The following USP32 variants were observed in gnomAD, a reference collection of about 807,000 sequenced individuals.
USP32 encodes ubiquitin specific peptidase 32.
USP32 carries 59 observed loss-of-function variants against 204.8 expected under a neutral mutation model. That is an observed-to-expected ratio of 0.29 (90% CI 0.23 to 0.36). USP32 has a LOEUF of 0.36. Ranked by LOEUF, USP32 falls within the 10% of genes least tolerant of loss-of-function variation. The pLI is 1.00. For missense variants in USP32, 1,160 were observed against 1,946.4 expected, an observed-to-expected ratio of 0.60 and a Z score of 7.60; for synonymous variants, 517 against 678.4, an observed-to-expected ratio of 0.76 and a Z score of 3.70.
In USP32 at chr17:60,181,672, C is replaced by T. The variant is rs767236496; in HGVS notation, c.4200G>A (p.Arg1400=). 1 of 1,613,312 alleles carries T rather than the reference C, an allele frequency of 6.2e-7. No individual in the cohort carries two copies. Among genetic ancestry groups the T allele is most frequent in the Admixed American group, 1.7e-5 (1 of 60,006 alleles). ...SKNSSPNSSP[R]TLGRSKGRLR... ...GCCTCCCTTTGCTCCTCCCCAAAGT[C>T]CGTGGGCTGCTATTAGGGCTGCTGT... Residue 1400 remains arginine, a synonymous_variant, in exon 32 of 34, where the codon CGG becomes CGA. Transcript: ENST00000300896.
At chr17:60,352,214 G>A (rs2088965672) in intron 1 of USP32, among the ~76,000 whole-genome samples, 2 of 152,100 alleles carry the variant, frequency 1.3e-5, no homozygotes, top group Admixed American at 6.5e-5. Flanking sequence ...AAATGACTGG[G>A]GGGACCTCCA....
chr17:60,197,100 G>A (rs2084540040), intron 27 of USP32, among the ~76,000 whole-genome samples: 1 of 151,202 alleles, frequency 6.6e-6, no homozygotes, highest in African/African-American at 2.4e-5. Flanking sequence ...AGAATCACTT[G>A]AACCTGGAGG....
At chr17:60,234,511 A>G (rs2085665510) in intron 12 of USP32, among the ~76,000 whole-genome samples, 1 of 150,990 alleles carries the variant, frequency 6.6e-6, no homozygotes, top group South Asian at 2.1e-4. Flanking sequence ...GCAGATCACG[A>G]GGTCAGGAGA....
rs551278415 is a variant in USP32, at chr17:60,201,946, C to T, written c.3249+3501G>A. ...TGCTGGGATTATAGGCGTGAGCCAC[C>T]GCACCCAGCCAAGTTATCAATTTTA... On this transcript the variant is annotated intron_variant, in intron 26 of 33. Coordinates refer to ENST00000300896, the MANE Select transcript of USP32 (RefSeq NM_032582.4). 2.0e-5 allele frequency among the ~76,000 whole-genome samples: 3 copies of T among 152,250 alleles called. 1 individual carries two copies. Among genetic ancestry groups the T allele is most frequent in the South Asian group, 4.1e-4 (2 of 4,822 alleles).
At chr17:60,304,446 A>T (rs2087671814) in intron 2 of USP32, among the ~76,000 whole-genome samples, 1 of 152,076 alleles carries the variant, frequency 6.6e-6, no homozygotes, top group African/African-American at 2.4e-5. Context: ...TGGAGGAAAT[A>T]TTATGCCATT....
At chr17:60,205,689 A>G (rs2084808447) in intron 25 of USP32, 31 bp from the exon 26 acceptor site, 1 of 1,609,642 alleles carries the variant, frequency 6.2e-7, no homozygotes, top group Non-Finnish European at 8.5e-7. Context: ...ACAGTATCAT[A>G]AGCTTGTGGT....
intron 1 of USP32, chr17:60,421,560 A>G (rs1358154814): frequency 3.0e-6 from 3 of 985,370 alleles, no homozygotes; most frequent in African/African-American, 3.5e-5. Flanking sequence ...TCCTAGTTTC[A>G]GGGAAGAAAA....
intron 2 of USP32, among the ~76,000 whole-genome samples, chr17:60,335,378 A>G: frequency 7.0e-6 from 1 of 142,494 alleles, no homozygotes; most frequent in East Asian, 1.9e-4. Flanking sequence ...CTATGCATAA[A>G]ACAACTCCAT....
At chr17:60,211,588 A>G (rs1447537270) in intron 19 of USP32, 74 bp from the exon 20 acceptor site, 3 of 1,512,504 alleles carry the variant, frequency 2.0e-6, no homozygotes, top group African/African-American at 2.8e-5. Flanking sequence ...CTTATATTCA[A>G]TGAAAAGGTT....
At chr17:60,399,329 G>C (rs901445910) in intron 1 of USP32, among the ~76,000 whole-genome samples, 13 of 152,076 alleles carry the variant, frequency 8.5e-5, no homozygotes, top group Non-Finnish European at 1.6e-4. Flanking sequence ...GAGGAAGGAG[G>C]CAAGAAGTGC....
In USP32 at chr17:60,185,560, T is replaced by C; in HGVS notation, c.3734A>G (p.Glu1245Gly). ...LDSCLRAFTS[E>G]EELGENEMYY... ...CATCTCATTTTCCCCTAGCTCTTCC[T>C]CACTGGTGAAAGCACGGAGACAGCT... The change falls in exon 30 of 34, where the codon GAG becomes GGG. Residue 1245 changes from glutamate (E) to glycine (G), a missense_variant. Glu to Gly is a moderately conservative substitution (Grantham distance 98). This residue lies in a region of USP32 where 160 missense variants were observed against 322.5 expected (regional missense o/e 0.50). Transcript: ENST00000300896. 1 of 1,612,006 alleles carries C rather than the reference T, an allele frequency of 6.2e-7. No individual in the cohort carries two copies. The highest frequency in any genetic ancestry group is 8.5e-7 in the Non-Finnish European group (1 of 1,179,844).
At chr17:60,352,586 G>A (rs1344961349) in intron 1 of USP32, among the ~76,000 whole-genome samples, 2 of 152,210 alleles carry the variant, frequency 1.3e-5, no homozygotes, top group African/African-American at 2.4e-5. Context: ...TCTAAGCCAT[G>A]TTAAAAATCC....
At chr17:60,293,637 A>T (rs2087343628) in intron 4 of USP32, among the ~76,000 whole-genome samples, 1 of 152,246 alleles carries the variant, frequency 6.6e-6, no homozygotes, top group South Asian at 2.1e-4. Context: ...AGGTGCTATC[A>T]ACACAGGAGA....
At chr17:60,374,383 G>A (rs1447429633) in intron 1 of USP32, among the ~76,000 whole-genome samples, 1 of 150,736 alleles carries the variant, frequency 6.6e-6, no homozygotes, top group South Asian at 2.1e-4. Context: ...GCCTAAGGCT[G>A]TTACAGTTAA....
chr17:60,263,897 C>T (rs886263986), intron 9 of USP32, among the ~76,000 whole-genome samples: 2 of 152,106 alleles, frequency 1.3e-5, no homozygotes, highest in African/African-American at 4.8e-5. Context: ...TTTATTTATT[C>T]TAAACCTCTA....
upstream of USP32, among the ~76,000 whole-genome samples, chr17:60,393,094 A>G (rs2089867875): frequency 6.6e-6 from 1 of 152,132 alleles, no homozygotes; most frequent in South Asian, 2.1e-4. Context: ...GCAAAAGGGA[A>G]ACTCTGTGCC....
At chr17:60,273,650 A>G (rs1333334459) in intron 5 of USP32, among the ~76,000 whole-genome samples, 4 of 152,112 alleles carry the variant, frequency 2.6e-5, no homozygotes, top group Non-Finnish European at 5.9e-5. Flanking sequence ...GTGACCCAAA[A>G]TCAGGATTAA....
chr17:60,222,952 G>A (rs535408630), intron 14 of USP32, among the ~76,000 whole-genome samples: 9 of 152,142 alleles, frequency 5.9e-5, no homozygotes, highest in Non-Finnish European at 1.2e-4. Context: ...AAAGTGCTAG[G>A]ATTACAGGCA....
intron 1 of USP32, among the ~76,000 whole-genome samples, chr17:60,353,198 G>T (rs540146194): frequency 6.6e-6 from 1 of 152,184 alleles, no homozygotes; most frequent in South Asian, 2.1e-4. Flanking sequence ...ACACCAAAGG[G>T]CTCAAGCGCA....
Sources: gnomAD v4.1 joint callset for allele counts (sites outside exome capture counted in the v4.1 genomes callset) on GRCh38, gnomAD v4.1.1 for gene constraint, gnomAD v4.1.1 regional missense constraint, MANE v1.5 for transcripts, NCBI Gene and HGNC (gene_info 2026-07-23, HGNC 2026-07-21) for gene names.